SMAD2: variants seen among roughly 807,000 people sequenced by gnomAD.
SMAD2 encodes the protein SMAD family member 2, also known as MAD homolog 2.
Under a neutral mutation model 64.4 loss-of-function variants are expected in SMAD2, and 8 were observed. The ratio of observed to expected loss-of-function variants is 0.12; its 90% CI spans 0.07 to 0.22. The LOEUF (loss-of-function observed/expected upper bound fraction) is 0.22, where lower values mean the gene tolerates loss of function less well. Ranked by LOEUF, SMAD2 falls within the 10% of genes least tolerant of loss-of-function variation. The probability of loss-of-function intolerance (pLI) is 1.00; values close to 1 mark genes in which losing one functional copy is unlikely to be tolerated. For synonymous variants in SMAD2, 203 were observed against 195.8 expected (o/e 1.04, Z -0.31); for missense variants, 289 against 561.2 (o/e 0.51, Z 4.90).
intron 1 of SMAD2, among the ~76,000 whole-genome samples, chr18:47,902,982 G>A (rs1028340414): frequency 1.3e-5 from 2 of 152,106 alleles, no homozygotes; most frequent in Non-Finnish European, 2.9e-5. Context: ...CATCCCCATA[G>A]GTTTCCACTA....
At chr18:47,851,420 CAAT>C (rs1038634348) in intron 6 of SMAD2, 93 bp from the exon 7 acceptor site, 56 of 735,766 alleles carry the variant, frequency 7.6e-5, no homozygotes, top group Non-Finnish European at 1.2e-4. Context: ...TAATTATCAA[CAAT>C]AATACAAAGA....
chr18:47,839,582 ATT>A lies in SMAD2; in HGVS notation c.*2243_*2244del, dbSNP rs978905132. 2 of 233,140 alleles carry A rather than the reference ATT, an allele frequency of 8.6e-6. No homozygotes were observed. Among genetic ancestry groups the A allele is most frequent in the African/African-American group, 4.4e-5 (2 of 45,338 alleles). The allele number at this position is 233,140 out of a possible 1,614,324, so 14.4% of individuals were successfully genotyped here. On this transcript the variant is annotated 3_prime_UTR_variant, in exon 11 of 11. Transcript: ENST00000262160. ...GTAGTACTGATGTGGTGCAAATGAA[ATT>A]TTTACAGCAAAGGTTGAGGAAGGAG...
rs553566402 is a variant in SMAD2, at chr18:47,874,971, T to C, written c.237-4407A>G. Among the ~76,000 whole-genome samples, 75 of 152,268 alleles carry C rather than the reference T, an allele frequency of 4.9e-4. 1 individual carries two copies. Among genetic ancestry groups the C allele is most frequent in the African/African-American group, 1.8e-3 (74 of 41,576 alleles). ...TCATCTTGACACTTCTATAAAAAGA[T>C]ATGGTTCTAAAACATTAGAGGCACA... On this transcript the variant is annotated intron_variant, in intron 2 of 10. Transcript: ENST00000262160.
intron 2 of SMAD2, among the ~76,000 whole-genome samples, chr18:47,872,208 G>C (rs1173290862): frequency 2.0e-5 from 3 of 152,082 alleles, no homozygotes; most frequent in African/African-American, 7.2e-5. Flanking sequence ...TCATTATCAT[G>C]CCTAACAAAA....
Position 47,826,630 on chromosome 18 carries a change from G to A in SMAD2, c.*15197C>T, listed in dbSNP as rs1286805813. On this transcript the variant is annotated 3_prime_UTR_variant, in exon 11 of 11. Transcript: ENST00000262160. ...ACAACTGCTCCAGAGACATCTAGCCGAAATCACTTATCTAATTCATAAACT... is the reference window on the plus strand; with the variant it reads ...ACAACTGCTCCAGAGACATCTAGCCAAAATCACTTATCTAATTCATAAACT... 1 of 152,204 alleles carries A rather than the reference G, an allele frequency of 6.6e-6. No homozygotes were observed. Among genetic ancestry groups the A allele is most frequent in the East Asian group, 1.9e-4 (1 of 5,202 alleles). 9.4% of individuals were successfully genotyped at this position (152,204 alleles called of 1,614,324 possible).
rs896514098 is a variant in SMAD2, at chr18:47,837,241, G to C, written c.*4586C>G. ...TCCTTTTTTGTTAATAAGTTCAAAG[G>C]AGAGAAACATTCTGATATATGCAGA... On this transcript the variant is annotated 3_prime_UTR_variant, in exon 11 of 11. Coordinates refer to ENST00000262160, the MANE Select transcript of SMAD2 (RefSeq NM_005901.6). 5.1e-6 allele frequency: 1 copy of C among 196,888 alleles called. No homozygotes were observed. Among genetic ancestry groups the C allele is most frequent in the East Asian group, 8.0e-5 (1 of 12,578 alleles). The allele number at this position is 196,888 out of a possible 1,614,324, so 12.2% of individuals were successfully genotyped here.
At position 47,821,005 on chromosome 18, in the gene SMAD2, G is replaced by C. The variant is rs1036687104; in HGVS notation, c.*20822C>G. On this transcript the variant is annotated 3_prime_UTR_variant, in exon 11 of 11. Coordinates refer to ENST00000262160, the MANE Select transcript of SMAD2 (RefSeq NM_005901.6). The stretch of plus-strand genomic sequence containing the variant: ...GGATCTGGTCTTAATAAAATTGAAA[G>C]AGGTTTTAATTTTTAATTCTAAAAT... The C allele has an allele frequency of 4.1e-5, 6 of 146,518 alleles. No individual in the cohort carries two copies. The highest frequency in any genetic ancestry group is 4.4e-5 in the Non-Finnish European group (3 of 67,908). The allele number at this position is 146,518 out of a possible 1,614,324, so 9.1% of individuals were successfully genotyped here.
chr18:47,907,608 GA>G (rs2033956083), intron 1 of SMAD2, among the ~76,000 whole-genome samples: 1 of 152,162 alleles, frequency 6.6e-6, no homozygotes. Flanking sequence ...TTGAATTCCT[GA>G]ATGTTTTCTA....
Position 47,820,762 on chromosome 18 carries a change from G to C in SMAD2, c.*21065C>G, listed in dbSNP as rs1398001156. On this transcript the variant is annotated 3_prime_UTR_variant, in exon 11 of 11. Coordinates refer to ENST00000262160, the MANE Select transcript of SMAD2 (RefSeq NM_005901.6). ...TTGTGTGTAATGAAGTTGGCAATAG[G>C]TCAGAATGAAATCATAAGACATTGA... 1 of 152,004 alleles carries C rather than the reference G, an allele frequency of 6.6e-6. No individual in the cohort carries two copies. The highest frequency in any genetic ancestry group is 2.4e-5 in the African/African-American group (1 of 41,392). The allele number at this position is 152,004 out of a possible 1,614,324, so 9.4% of individuals were successfully genotyped here.
At chr18:47,920,268 G>T (rs1423406739) in intron 1 of SMAD2, 2 of 152,144 alleles carry the variant, frequency 1.3e-5, no homozygotes, top group Admixed American at 1.3e-4. Context: ...ATCTCCCAAA[G>T]ATCCCATTTC....
At chr18:47,875,903 G>A (rs2032236089) in intron 2 of SMAD2, among the ~76,000 whole-genome samples, 1 of 152,014 alleles carries the variant, frequency 6.6e-6, no homozygotes, top group Non-Finnish European at 1.5e-5. Flanking sequence ...AATTTTGTGG[G>A]TTATATAACT....
At position 47,869,293 on chromosome 18, in the gene SMAD2, T is replaced by G; in HGVS notation, c.470A>C (p.Lys157Thr). The G allele has an allele frequency of 6.2e-7, 1 of 1,613,626 alleles. No homozygotes were observed. The highest frequency in any genetic ancestry group is 1.7e-5 in the Admixed American group (1 of 59,974). ...GTAAGGGTTTACACATACTTCATCC[T>G]TTTTAAGATTAAAAGCATATTCGCA... ...ENCEYAFNLKKDEVCVNPYHY... is the reference protein window; with the variant it reads ...ENCEYAFNLKTDEVCVNPYHY... The change falls in exon 4 of 11, where the codon AAG becomes ACG. Residue 157 changes from lysine (K) to threonine (T), a missense_variant. Physicochemically the swap from Lys to Thr is moderately conservative, Grantham distance 78. Transcript: ENST00000262160.
At chr18:47,853,353 G>A in intron 6 of SMAD2, 1 of 210,654 alleles carries the variant, frequency 4.7e-6, no homozygotes, top group Non-Finnish European at 7.7e-6. Context: ...AGTGTAAGAC[G>A]TCTTGTGATG....
chr18:47,843,635 T>C (rs902597177), intron 10 of SMAD2, among the ~76,000 whole-genome samples: 1 of 152,226 alleles, frequency 6.6e-6, no homozygotes, highest in Admixed American at 6.5e-5. Flanking sequence ...AAGTTCCTGG[T>C]AGCTACCCAC....
Position 47,837,428 on chromosome 18 carries a change from G to T in SMAD2, c.*4399C>A, listed in dbSNP as rs973356915. ...ATACAAAAAATTAGCCGAGTGTGGT[G>T]GTGGGCGCCTGTAGTCCCAGCTACT... is the stretch of plus-strand genomic sequence containing the variant. On this transcript the variant is annotated 3_prime_UTR_variant, in exon 11 of 11. Coordinates refer to ENST00000262160, the MANE Select transcript of SMAD2 (RefSeq NM_005901.6). The T allele has an allele frequency of 2.0e-5, 4 of 199,068 alleles. No homozygotes were observed. Among genetic ancestry groups the T allele is most frequent in the African/African-American group, 4.6e-5 (2 of 43,356 alleles). 12.3% of individuals were successfully genotyped at this position (199,068 alleles called of 1,614,324 possible). A position where few individuals can be genotyped will look rare whatever the true frequency, so the allele number is the denominator to read the frequency against.
intron 1 of SMAD2, among the ~76,000 whole-genome samples, chr18:47,907,395 C>T (rs1331999731): frequency 1.3e-5 from 2 of 152,090 alleles, no homozygotes; most frequent in Non-Finnish European, 2.9e-5. Context: ...ACATGCTGGG[C>T]AAAAGACAAA....
intron 6 of SMAD2, among the ~76,000 whole-genome samples, chr18:47,856,745 G>A (rs1356456273): frequency 6.6e-6 from 1 of 151,468 alleles, no homozygotes; most frequent in African/African-American, 2.4e-5. Context: ...GTTCATTACA[G>A]CATTGTTTTT....
rs988222881 is a variant in SMAD2, at chr18:47,824,629, C to T, written c.*17198G>A. 6.6e-6 allele frequency: 1 copy of T among 152,100 alleles called. No individual in the cohort carries two copies. The highest frequency in any genetic ancestry group is 6.5e-5 in the Admixed American group (1 of 15,272). 9.4% of individuals were successfully genotyped at this position (152,100 alleles called of 1,614,324 possible). A position where few individuals can be genotyped will look rare whatever the true frequency, so the allele number is the denominator to read the frequency against. Reference sequence around the variant, plus strand: ...ATTACACCTGAAAACTAAATTCTAGCTGATCAATAAAATTCTTTGGTTCTA... The same window carrying T: ...ATTACACCTGAAAACTAAATTCTAGTTGATCAATAAAATTCTTTGGTTCTA... On this transcript the variant is annotated 3_prime_UTR_variant, in exon 11 of 11. Transcript: ENST00000262160.
chr18:47,873,122 A>C (rs544971239), intron 2 of SMAD2, among the ~76,000 whole-genome samples: 8 of 152,198 alleles, frequency 5.3e-5, no homozygotes, highest in Admixed American at 3.9e-4. Flanking sequence ...TTACAGAAGT[A>C]AGTCAACGTG....
Sources: allele counts gnomAD v4.1 joint callset (sites outside exome capture counted in the v4.1 genomes callset), GRCh38; gene constraint gnomAD v4.1.1; transcripts MANE v1.5; gene names NCBI Gene and HGNC (gene_info 2026-07-23, HGNC 2026-07-21).